Variants in TECPR1 observed in about 807,000 individuals in gnomAD.
The protein encoded by TECPR1 is tectonin beta-propeller repeat-containing protein 1.
TECPR1 carries 122 observed loss-of-function variants against 162.4 expected under a neutral mutation model. The observed-to-expected ratio is 0.75, with a 90% CI of 0.65 to 0.87. The LOEUF (loss-of-function observed/expected upper bound fraction) is 0.87. Ranked by LOEUF, TECPR1 falls within the 40% of genes least tolerant of loss-of-function variation. TECPR1 has a pLI of 0.00. For missense variants in TECPR1, 1,432 were observed against 1,618.2 expected (o/e 0.88, Z 1.97); for synonymous variants, 642 against 670.6 (o/e 0.96, Z 0.66).
chr7:98,218,481 C>A (rs1484044698), intron 23 of TECPR1, among the ~76,000 whole-genome samples: 2 of 152,204 alleles, frequency 1.3e-5, no homozygotes, highest in African/African-American at 4.8e-5. Flanking sequence ...CCTAAAGACG[C>A]CTCCAAAAGA....
rs1185230055 is a variant in TECPR1, at chr7:98,241,858, GC to G, written c.658-615del. On this transcript the variant is annotated intron_variant, in intron 6 of 25. Transcript: ENST00000447648. This position sits in a 1 kb window ranked among gnomAD's most constrained non-coding sequence, Gnocchi z 5.0. ...GACCAGGCCTAGGAGCCTCCCTTCG[GC>G]TAGCAGGTGGCCCATCTGTCTCCCC... 6.6e-6 allele frequency among the ~76,000 whole-genome samples: 1 copy of G among 152,144 alleles called. No individual in the cohort carries two copies. The highest frequency in any genetic ancestry group is 1.5e-5 in the Non-Finnish European group (1 of 68,012).
At position 98,235,849 on chromosome 7, in the gene TECPR1, A is replaced by AAACAAAAAAAAAAAAAAAAAACAAC. The variant is rs1554401446; in HGVS notation, c.1181+926_1181+927insGTTGTTTTTTTTTTTTTTTTTTGTT. ...TCTCAAAAAAAAAAAAAAAAAAAAA[A>AAACAAAAAAAAAAAAAAAAAACAAC]AACACCATCTGAGCAGACTAAACCC... is the stretch of plus-strand genomic sequence containing the variant. On this transcript the variant is annotated intron_variant, in intron 10 of 25. Coordinates refer to ENST00000447648, the MANE Select transcript of TECPR1 (RefSeq NM_015395.3). Among the ~76,000 whole-genome samples the AAACAAAAAAAAAAAAAAAAAACAAC allele has an allele frequency of 5.4e-5, 6 of 110,254 alleles. 1 individual carries two copies. The highest frequency in any genetic ancestry group is 1.0e-4 in the Non-Finnish European group (5 of 48,568). The allele number at this position is 110,254 out of a possible 152,430, so 72.3% of individuals were successfully genotyped here. A position where few individuals can be genotyped will look rare whatever the true frequency, so the allele number is the denominator to read the frequency against.
At chr7:98,225,458 C>T (rs1398667283) in intron 17 of TECPR1, among the ~76,000 whole-genome samples, 1 of 151,596 alleles carries the variant, frequency 6.6e-6, no homozygotes, top group African/African-American at 2.4e-5. Flanking sequence ...TCGCTTGAAC[C>T]CGGGAGGCGG....
In TECPR1 at chr7:98,230,857, A is replaced by G. The variant is rs547496939; in HGVS notation, c.2282+104T>C. On this transcript the variant is annotated intron_variant, in intron 15 of 25. Transcript: ENST00000447648. Reference sequence around the variant, plus strand: ...CCGTGCCTCTGCCTGGTCAGCGAGAAGCTTGACCCTGCGTGGACTCCAGTC... The same window carrying G: ...CCGTGCCTCTGCCTGGTCAGCGAGAGGCTTGACCCTGCGTGGACTCCAGTC... 3.9e-5 allele frequency: 56 copies of G among 1,423,530 alleles called. No homozygotes were observed. The African/African-American group carries it at 7.5e-4, about 19-fold the overall frequency. 88.2% of individuals were successfully genotyped at this position (1,423,530 alleles called of 1,614,324 possible).
At chr7:98,223,961 G>T (rs1798209958) in intron 19 of TECPR1, among the ~76,000 whole-genome samples, 1 of 152,086 alleles carries the variant, frequency 6.6e-6, no homozygotes, top group Non-Finnish European at 1.5e-5. Flanking sequence ...CTGGGGGTTG[G>T]GGCCTCCCAG....
chr7:98,226,684 T>A, intron 17 of TECPR1: 2 of 1,199,386 alleles, frequency 1.7e-6, no homozygotes, highest in Non-Finnish European at 1.1e-6. Context: ...ATGCCTGTAA[T>A]CTCAACACTT....
chr7:98,250,510 T>G (rs1324500097), intron 2 of TECPR1, among the ~76,000 whole-genome samples: 1 of 152,016 alleles, frequency 6.6e-6, no homozygotes, highest in Non-Finnish European at 1.5e-5. Flanking sequence ...TGGTGGCACA[T>G]GCCTGTGATC....
At position 98,224,991 on chromosome 7, in the gene TECPR1, GC is replaced by G. The variant is rs763542398; in HGVS notation, c.2610+14del. Reference sequence around the variant, plus strand: ...GGGCGGATTCCCAACCCCCCAGGGGGCAGCGGGACCTCACCCAGGCCCACTG... The same window carrying G: ...GGGCGGATTCCCAACCCCCCAGGGGGAGCGGGACCTCACCCAGGCCCACTG... On this transcript the variant is annotated intron_variant, in intron 18 of 25. Transcript: ENST00000447648. The G allele has an allele frequency of 8.4e-6, 13 of 1,543,368 alleles. No homozygotes were observed. The South Asian group carries it at 1.3e-4, about 16-fold the overall frequency.
chr7:98,228,836 C>A (rs1380989523), intron 16 of TECPR1: 4 of 633,220 alleles, frequency 6.3e-6, no homozygotes, highest in East Asian at 2.9e-5. Context: ...CTCTCTGGAA[C>A]CTTCGAGGCC....
intron 23 of TECPR1, among the ~76,000 whole-genome samples, chr7:98,218,878 GA>G (rs755751320): frequency 1.5e-4 from 22 of 151,016 alleles, no homozygotes; most frequent in South Asian, 1.3e-3. Flanking sequence ...TACAGAATTA[GA>G]AAAAAAAATC....
In TECPR1 at chr7:98,232,779, T is replaced by C. The variant is rs1475404484; in HGVS notation, c.1818+48A>G. 6 of 1,496,536 alleles carry C rather than the reference T, an allele frequency of 4.0e-6. No individual in the cohort carries two copies. Among genetic ancestry groups the C allele is most frequent in the Non-Finnish European group, 5.3e-6 (6 of 1,123,840 alleles). The allele number at this position is 1,496,536 out of a possible 1,614,324, so 92.7% of individuals were successfully genotyped here. On this transcript the variant is annotated intron_variant, in intron 12 of 25. Coordinates refer to ENST00000447648, the MANE Select transcript of TECPR1 (RefSeq NM_015395.3). The surrounding 1 kb of genome is among the most constrained non-coding windows in gnomAD (Gnocchi z 4.6). ...TACACAGCAGGCGCTCAATGAATGA[T>C]TGCTGGAAAAAAAAAAAAAATGCAT...
intron 15 of TECPR1, 99 bp downstream of exon 15, chr7:98,230,862 G>T: frequency 6.9e-7 from 1 of 1,453,768 alleles, no homozygotes; most frequent in South Asian, 1.4e-5. Context: ...CGAGAAGCTT[G>T]ACCCTGCGTG....
At position 98,224,897 on chromosome 7, in the gene TECPR1, AG is replaced by A. The variant is rs1475673364; in HGVS notation, c.2611-18del. Reference sequence around the variant, plus strand: ...GTCGGAAACCTGGGAGGAGTGGGTCAGTGAGGATGGGACCCCCCGAATCCAG... The same window carrying A: ...GTCGGAAACCTGGGAGGAGTGGGTCATGAGGATGGGACCCCCCGAATCCAG... On this transcript the variant is annotated intron_variant, in intron 18 of 25. Transcript: ENST00000447648. The A allele has an allele frequency of 5.8e-6, 9 of 1,556,776 alleles. No individual in the cohort carries two copies. Among genetic ancestry groups the A allele is most frequent in the Non-Finnish European group, 7.0e-6 (8 of 1,150,546 alleles).
chr7:98,233,347 G>A (rs913674266), intron 11 of TECPR1, 74 bp downstream of exon 11: 37 of 1,382,896 alleles, frequency 2.7e-5, no homozygotes, highest in Non-Finnish European at 3.2e-5. Flanking sequence ...CCCTGACCCC[G>A]GCCTCCTCCC....
intron 17 of TECPR1, among the ~76,000 whole-genome samples, chr7:98,225,482 C>T (rs532349566): frequency 1.4e-3 from 214 of 150,048 alleles, no homozygotes; most frequent in African/African-American, 4.6e-3. Context: ...TTGCAGTGAG[C>T]GGAGATCGTG....
At chr7:98,233,071 T>C in intron 11 of TECPR1, 99 bp from the exon 12 acceptor site, 1 of 1,382,370 alleles carries the variant, frequency 7.2e-7, no homozygotes. Flanking sequence ...CCTTTCTAGC[T>C]CAAAAGCTAC....
Position 98,222,833 on chromosome 7 carries a change from C to T in TECPR1, c.2928+157G>A, listed in dbSNP as rs867129406. Reference sequence around the variant, plus strand: ...TCTGTCACCCCCGCCCCACCCGCCTCATTCCTGGGCCAACTGCCCCAGGGC... The same window carrying T: ...TCTGTCACCCCCGCCCCACCCGCCTTATTCCTGGGCCAACTGCCCCAGGGC... On this transcript the variant is annotated intron_variant, in intron 21 of 25. Coordinates refer to ENST00000447648, the MANE Select transcript of TECPR1 (RefSeq NM_015395.3). 3 of 1,036,152 alleles carry T rather than the reference C, an allele frequency of 2.9e-6. No individual in the cohort carries two copies. In the Middle Eastern group the frequency reaches 6.4e-4, roughly 220 times the overall value. The allele number at this position is 1,036,152 out of a possible 1,614,324, so 64.2% of individuals were successfully genotyped here.
Position 98,245,041 on chromosome 7 carries a change from A to T in TECPR1, c.252T>A (p.Cys84Ter). The T allele has an allele frequency of 6.3e-7, 1 of 1,591,172 alleles. No homozygotes were observed. The highest frequency in any genetic ancestry group is 1.7e-4 in the Middle Eastern group (1 of 6,030). The change falls in exon 4 of 26, where the codon TGT becomes TGA. Residue 84 changes from cysteine to a stop codon, truncating the protein, a stop_gained. Transcript: ENST00000447648. LOFTEE classifies it high-confidence loss of function. ...NQRWNPMGGF[C>*]EKLLLSDRWG... Reference sequence around the variant, plus strand: ...AGCGGTCACTCAGCAGGAGCTTCTCACAGAAGCCGCCCATGGGATTCCAGC... The same window carrying T: ...AGCGGTCACTCAGCAGGAGCTTCTCTCAGAAGCCGCCCATGGGATTCCAGC...
chr7:98,218,861 C>A (rs1798080655), intron 23 of TECPR1, among the ~76,000 whole-genome samples: 3 of 152,124 alleles, frequency 2.0e-5, no homozygotes, highest in Admixed American at 2.0e-4. Context: ...ATACTGTCAT[C>A]ATTTTTTACA....
Sources: gnomAD v4.1 joint callset for allele counts (sites outside exome capture counted in the v4.1 genomes callset) on GRCh38, gnomAD v4.1.1 for gene constraint, Gnocchi (gnomAD v3.1) non-coding constraint, MANE v1.5 for transcripts, NCBI Gene and HGNC (gene_info 2026-07-23, HGNC 2026-07-21) for gene names.